Variants in LMBRD1 observed in about 807,000 individuals in gnomAD.
The protein encoded by LMBRD1 is LMBR1 domain containing 1.
A neutral mutation model predicts 74.8 loss-of-function variants in LMBRD1; 64 were observed. The observed-to-expected ratio is 0.86, with a 90% CI of 0.70 to 1.05. The LOEUF (loss-of-function observed/expected upper bound fraction) is 1.05, where lower values mean the gene tolerates loss of function less well. Ranked by LOEUF, LMBRD1 falls within the 50% of genes least tolerant of loss-of-function variation. The probability of loss-of-function intolerance (pLI) is 0.00; values close to 1 mark genes in which losing one functional copy is unlikely to be tolerated. For synonymous variants in LMBRD1, 204 were observed against 216.3 expected (o/e 0.94, Z 0.50); for missense variants, 652 against 645.9 (o/e 1.01, Z -0.10).
chr6:69,679,872 G>A (rs12111306), intron 14 of LMBRD1, among the ~76,000 whole-genome samples: 14,802 of 152,004 alleles, frequency 0.097, 1,921 homozygotes, highest in African/African-American at 0.3. Flanking sequence ...GCAAAGTGGC[G>A]CTTAATATTA....
At chr6:69,692,150 T>C (rs1042797385) in intron 14 of LMBRD1, among the ~76,000 whole-genome samples, 1 of 152,190 alleles carries the variant, frequency 6.6e-6, no homozygotes, top group African/African-American at 2.4e-5. Flanking sequence ...ATAATTCATG[T>C]AGTTTGGTAC....
intron 12 of LMBRD1, among the ~76,000 whole-genome samples, chr6:69,699,856 A>G (rs951013934): frequency 6.6e-6 from 1 of 151,856 alleles, no homozygotes; most frequent in African/African-American, 2.4e-5. Context: ...TGGGATGACA[A>G]TAAGATCATT....
At chr6:69,743,729 A>C (rs1334111602) in intron 5 of LMBRD1, among the ~76,000 whole-genome samples, 1 of 152,230 alleles carries the variant, frequency 6.6e-6, no homozygotes, top group Non-Finnish European at 1.5e-5. Flanking sequence ...AACTAAGAAA[A>C]TATCCATAAG....
intron 7 of LMBRD1, among the ~76,000 whole-genome samples, chr6:69,728,931 C>G (rs905248086): frequency 6.6e-6 from 1 of 152,092 alleles, no homozygotes; most frequent in Admixed American, 6.6e-5. Context: ...AGCAATTCTA[C>G]TTGTTCCCAA....
intron 6 of LMBRD1, among the ~76,000 whole-genome samples, chr6:69,738,649 T>C (rs1228065648): frequency 1.3e-5 from 2 of 151,142 alleles, no homozygotes; most frequent in Admixed American, 1.3e-4. Context: ...TGCTAACGCA[T>C]TGGATTTAGG....
chr6:69,695,994 C>T (rs974198859), intron 14 of LMBRD1, among the ~76,000 whole-genome samples: 3 of 152,156 alleles, frequency 2.0e-5, no homozygotes, highest in African/African-American at 7.2e-5. Context: ...CAGGGGTGCC[C>T]CACCACCCTC....
intron 6 of LMBRD1, among the ~76,000 whole-genome samples, chr6:69,740,135 G>C (rs999710932): frequency 6.6e-6 from 1 of 151,092 alleles, no homozygotes; most frequent in Non-Finnish European, 1.5e-5. Context: ...CAATAAAAAG[G>C]TCATATACCC....
intron 2 of LMBRD1, among the ~76,000 whole-genome samples, chr6:69,788,641 C>T (rs1395186752): frequency 6.6e-6 from 1 of 151,952 alleles, no homozygotes; most frequent in Non-Finnish European, 1.5e-5. Context: ...TATTCTTGCC[C>T]AATAATAAAA....
intron 9 of LMBRD1, among the ~76,000 whole-genome samples, chr6:69,711,443 T>C (rs1408742591): frequency 6.6e-6 from 1 of 152,100 alleles, no homozygotes. Context: ...TCTAAACATA[T>C]GTTTGGTGAA....
intron 14 of LMBRD1, among the ~76,000 whole-genome samples, chr6:69,683,085 T>A (rs931757410): frequency 2.6e-5 from 4 of 151,984 alleles, no homozygotes; most frequent in African/African-American, 9.7e-5. Context: ...TAAACTTCTA[T>A]CAACACAACC....
rs149379923 is a variant in LMBRD1, at chr6:69,761,925, G to A, written c.308-9569C>T. Among the ~76,000 whole-genome samples the A allele has an allele frequency of 1.3e-3, 199 of 152,284 alleles. No homozygotes were observed. The Middle Eastern group carries it at 0.017, about 13-fold the overall frequency. Reference sequence around the variant, plus strand: ...CATCTGGCTTCCTTCACTTAGCACAGGGGTTGGGATTTTTTCTCTGTTAAC... The same window carrying A: ...CATCTGGCTTCCTTCACTTAGCACAAGGGTTGGGATTTTTTCTCTGTTAAC... On this transcript the variant is annotated intron_variant, in intron 3 of 15. Transcript: ENST00000649934.
intron 3 of LMBRD1, among the ~76,000 whole-genome samples, chr6:69,760,715 T>C (rs937476896): frequency 1.3e-5 from 2 of 152,152 alleles, no homozygotes; most frequent in Non-Finnish European, 2.9e-5. Context: ...AACAAAAATA[T>C]TGGGATGTCA....
At chr6:69,731,392 T>C (rs1237835310) in intron 7 of LMBRD1, among the ~76,000 whole-genome samples, 2 of 152,112 alleles carry the variant, frequency 1.3e-5, no homozygotes, top group Non-Finnish European at 2.9e-5. Context: ...TTACACATTA[T>C]ATGAACACCT....
intron 5 of LMBRD1, among the ~76,000 whole-genome samples, chr6:69,747,389 C>G (rs139721007): frequency 6.6e-6 from 1 of 152,344 alleles, no homozygotes; most frequent in African/African-American, 2.4e-5. Context: ...GACTTCTAAC[C>G]TCCAGAACCA....
intron 14 of LMBRD1, among the ~76,000 whole-genome samples, chr6:69,685,223 G>A (rs888015201): frequency 1.3e-5 from 2 of 152,056 alleles, no homozygotes; most frequent in East Asian, 1.9e-4. Flanking sequence ...AAATGGGAGG[G>A]GTAGGGCGAA....
intron 7 of LMBRD1, among the ~76,000 whole-genome samples, chr6:69,733,996 C>T (rs9346338): frequency 0.38 from 57,894 of 151,858 alleles, 11,274 homozygotes; most frequent in East Asian, 0.54. Context: ...TACTTTATTA[C>T]TTAAATATCA....
intron 7 of LMBRD1, among the ~76,000 whole-genome samples, chr6:69,730,564 G>A (rs755852035): frequency 2.0e-5 from 3 of 152,040 alleles, no homozygotes; most frequent in Admixed American, 1.3e-4. Context: ...CATAGTTGTC[G>A]CTACATGCAC....
intron 3 of LMBRD1, among the ~76,000 whole-genome samples, chr6:69,778,514 T>G (rs962473232): frequency 6.6e-6 from 1 of 152,230 alleles, no homozygotes; most frequent in Non-Finnish European, 1.5e-5. Context: ...ATTAGTCCAA[T>G]GGCCTCTAGG....
intron 3 of LMBRD1, among the ~76,000 whole-genome samples, chr6:69,752,625 A>G (rs566762597): frequency 7.9e-5 from 12 of 152,316 alleles, no homozygotes; most frequent in African/African-American, 2.9e-4. Flanking sequence ...GTCAAGAACA[A>G]TTGTGGCAGC....
Sources: gnomAD v4.1 joint callset for allele counts (sites outside exome capture counted in the v4.1 genomes callset) on GRCh38, gnomAD v4.1.1 for gene constraint, MANE v1.5 for transcripts, NCBI Gene and HGNC (gene_info 2026-07-23, HGNC 2026-07-21) for gene names.